TBCD: variants seen among roughly 807,000 people sequenced by gnomAD.
TBCD encodes the protein tubulin-specific chaperone D.
A neutral mutation model predicts 169.3 loss-of-function variants in TBCD; 105 were observed. The ratio of observed to expected loss-of-function variants is 0.62; its 90% CI spans 0.53 to 0.73. TBCD has a LOEUF of 0.73. Ranked by LOEUF, TBCD falls within the 30% of genes least tolerant of loss-of-function variation. TBCD has a pLI of 0.00. For synonymous variants in TBCD, 700 were observed against 643.9 expected, an observed-to-expected ratio of 1.09 and a Z score of -1.32; for missense variants, 1,444 against 1,600.1, an observed-to-expected ratio of 0.90 and a Z score of 1.66.
At chr17:82,784,404 G>T (rs1353300027) in intron 7 of TBCD, among the ~76,000 whole-genome samples, 1 of 152,134 alleles carries the variant, frequency 6.6e-6, no homozygotes, top group East Asian at 1.9e-4. Flanking sequence ...GCCTAAAGAG[G>T]ATTCATTGCT....
At chr17:82,847,084 G>T (rs2055192631) in intron 13 of TBCD, among the ~76,000 whole-genome samples, 1 of 152,170 alleles carries the variant, frequency 6.6e-6, no homozygotes, top group African/African-American at 2.4e-5. Flanking sequence ...GGGCGTGGTG[G>T]CTCACGCCTG....
At chr17:82,892,873 G>A (rs146575680) in intron 16 of TBCD, among the ~76,000 whole-genome samples, 148 of 152,328 alleles carry the variant, frequency 9.7e-4, no homozygotes, top group African/African-American at 3.4e-3. Context: ...TGTAGGCTGC[G>A]GGGCTGGAGC....
chr17:82,939,500 G>A (rs761477705), intron 37 of TBCD, 24 bp downstream of exon 37: 35 of 1,575,378 alleles, frequency 2.2e-5, no homozygotes, highest in East Asian at 6.8e-5. Context: ...CTTCCTGCAC[G>A]GCCACCTGGG....
intron 14 of TBCD, among the ~76,000 whole-genome samples, chr17:82,883,552 T>G (rs897616880): frequency 1.1e-4 from 16 of 152,138 alleles, no homozygotes; most frequent in African/African-American, 3.9e-4. Flanking sequence ...TGTGGTGCGG[T>G]GGTTTTCCTG....
rs1449586954 is a variant in TBCD, at chr17:82,864,875, G to A, written c.1319-5349G>A. Among the ~76,000 whole-genome samples the A allele has an allele frequency of 2.3e-5, 1 of 43,954 alleles. No individual in the cohort carries two copies. Among genetic ancestry groups the A allele is most frequent in the Non-Finnish European group, 5.5e-5 (1 of 18,022 alleles). 28.8% of individuals were successfully genotyped at this position (43,954 alleles called of 152,430 possible). On this transcript the variant is annotated intron_variant, in intron 13 of 38. Coordinates refer to ENST00000355528, the MANE Select transcript of TBCD (RefSeq NM_005993.5). This position sits in a 1 kb window ranked among gnomAD's most constrained non-coding sequence, Gnocchi z 6.3. ...CTCCCCGGGGCACCGTGGGGACAGC[G>A]GGGGCCTGCTCACTCCCTGGGGCAC...
chr17:82,784,721 C>T (rs1275999957), intron 7 of TBCD, among the ~76,000 whole-genome samples: 2 of 152,176 alleles, frequency 1.3e-5, no homozygotes, highest in African/African-American at 2.4e-5. Flanking sequence ...GGTGTACAGA[C>T]AGCCTCCCAC....
chr17:82,866,804 G>A (rs970771565), intron 13 of TBCD, among the ~76,000 whole-genome samples: 1 of 152,248 alleles, frequency 6.6e-6, no homozygotes, highest in Non-Finnish European at 1.5e-5. Context: ...CTGTGGCTCT[G>A]TCCACAGCTG....
intron 17 of TBCD, among the ~76,000 whole-genome samples, chr17:82,895,502 T>C (rs1355270171): frequency 1.3e-5 from 2 of 152,036 alleles, no homozygotes; most frequent in Non-Finnish European, 2.9e-5. Context: ...TGTCCTGAGG[T>C]CATGGCACTT....
intron 8 of TBCD, among the ~76,000 whole-genome samples, chr17:82,799,911 C>G (rs558205458): frequency 6.6e-6 from 1 of 152,228 alleles, no homozygotes; most frequent in South Asian, 2.1e-4. Context: ...TTAAACGGCA[C>G]CTCTGCCCGA....
chr17:82,906,104 C>A, intron 20 of TBCD, 51 bp downstream of exon 20: 1 of 1,393,540 alleles, frequency 7.2e-7, no homozygotes, highest in Non-Finnish European at 1.0e-6. Flanking sequence ...CTGATCCCCT[C>A]ACCATGTAAT....
At chr17:82,906,793 G>A (rs747753698) in intron 20 of TBCD, among the ~76,000 whole-genome samples, 2 of 152,246 alleles carry the variant, frequency 1.3e-5, no homozygotes, top group Non-Finnish European at 2.9e-5. Context: ...GGTCGGCCCC[G>A]AGCTCAGATG....
intron 30 of TBCD, among the ~76,000 whole-genome samples, chr17:82,928,590 G>T (rs2061952055): frequency 6.6e-6 from 1 of 151,924 alleles, no homozygotes; most frequent in Non-Finnish European, 1.5e-5. Context: ...TCTCTGTCGG[G>T]GGCACTGAGT....
intron 37 of TBCD, 62 bp from the exon 38 acceptor site, chr17:82,941,337 C>CCG (rs1599767647): frequency 6.9e-7 from 1 of 1,444,480 alleles, no homozygotes; most frequent in African/African-American, 1.4e-5. Context: ...CGCGGGACCT[C>CCG]CGCACACCTG....
chr17:82,873,101 G>A (rs866748282), intron 14 of TBCD, among the ~76,000 whole-genome samples: 2 of 152,266 alleles, frequency 1.3e-5, no homozygotes, highest in South Asian at 4.1e-4. Context: ...CTGTGAGGCC[G>A]TGGAAAGACC....
intron 13 of TBCD, among the ~76,000 whole-genome samples, chr17:82,856,230 A>G: frequency 6.6e-6 from 1 of 151,972 alleles, no homozygotes; most frequent in Admixed American, 6.5e-5. Context: ...GTAGAATTTT[A>G]CTCAACATAC....
chr17:82,937,298 G>A lies in TBCD; in HGVS notation c.3219G>A (p.Ala1073=), dbSNP rs563540434. 74 of 1,613,986 alleles carry A rather than the reference G, an allele frequency of 4.6e-5. 1 individual carries two copies. In the East Asian group the frequency reaches 1.1e-3, roughly 24 times the overall value. ...EDHPFAVKLL[A]LCKKEIKNSK... The stretch of plus-strand genomic sequence containing the variant: ...ACCCCTTTGCTGTGAAGTTGCTTGC[G>A]CTCTGTAAGAAAGAAATCAAGAATT... Residue 1073 remains alanine (A), a synonymous_variant, in exon 35 of 39, where the codon GCG becomes GCA. Transcript: ENST00000355528.
At position 82,752,292 on chromosome 17, in the gene TBCD, C is replaced by T. The variant is rs576596096; in HGVS notation, c.99C>T (p.Ser33=). ...FGAALEAFGE[S]AETRALLGRL... ...CGGCGCTGGAAGCGTTCGGCGAGAG[C>T]GCGGAGACCCGGGCGCTGCTGGGCC... The change falls in exon 1 of 39, where the codon AGC becomes AGT. Residue 33 remains serine, a synonymous_variant. Coordinates refer to ENST00000355528, the MANE Select transcript of TBCD (RefSeq NM_005993.5). 36 of 1,510,918 alleles carry T rather than the reference C, an allele frequency of 2.4e-5. No individual in the cohort carries two copies. The South Asian group carries it at 4.2e-4, about 18-fold the overall frequency. The allele number at this position is 1,510,918 out of a possible 1,614,324, so 93.6% of individuals were successfully genotyped here. A position where few individuals can be genotyped will look rare whatever the true frequency, so the allele number is the denominator to read the frequency against.
At chr17:82,826,971 A>G (rs1365194562) in intron 13 of TBCD, among the ~76,000 whole-genome samples, 1 of 151,674 alleles carries the variant, frequency 6.6e-6, no homozygotes, top group East Asian at 1.9e-4. Flanking sequence ...GTGTTTTTCC[A>G]TGTTGCCCAG....
intron 2 of TBCD, among the ~76,000 whole-genome samples, chr17:82,763,507 G>A (rs2047872318): frequency 6.6e-6 from 1 of 152,150 alleles, no homozygotes; most frequent in Non-Finnish European, 1.5e-5. Flanking sequence ...TTGGGAGGCC[G>A]AGGTGGGTGG....
Sources: allele counts gnomAD v4.1 joint callset (sites outside exome capture counted in the v4.1 genomes callset), GRCh38; gene constraint gnomAD v4.1.1; non-coding constraint Gnocchi (gnomAD v3.1); transcripts MANE v1.5; gene names NCBI Gene and HGNC (gene_info 2026-07-23, HGNC 2026-07-21).